NKAIN2: variants seen among roughly 807,000 people sequenced by gnomAD.
NKAIN2 encodes sodium/potassium transporting ATPase interacting 2, also known as sodium/potassium-transporting ATPase subunit beta-1-interacting protein 2.
In NKAIN2, 14 loss-of-function variants were observed where a neutral mutation model predicts 32.6. That is an observed-to-expected ratio of 0.43 (90% CI 0.28 to 0.67). The LOEUF (loss-of-function observed/expected upper bound fraction) is 0.67. NKAIN2 is among the 30% of genes least tolerant of loss of function. The probability of loss-of-function intolerance (pLI) is 0.17; values close to 1 mark genes in which losing one functional copy is unlikely to be tolerated. For missense variants in NKAIN2, 198 were observed against 258.3 expected (o/e 0.77, Z 1.60); for synonymous variants, 80 against 87.2 (o/e 0.92, Z 0.46).
intron 1 of NKAIN2, among the ~76,000 whole-genome samples, chr6:124,202,012 T>C (rs1278581154): frequency 6.6e-6 from 1 of 151,992 alleles, no homozygotes; most frequent in East Asian, 1.9e-4. Flanking sequence ...TTAGCTATAA[T>C]TCTCAGACTA....
intron 3 of NKAIN2, among the ~76,000 whole-genome samples, chr6:124,437,739 T>C (rs943783181): frequency 6.6e-6 from 1 of 152,094 alleles, no homozygotes; most frequent in Admixed American, 6.6e-5. Context: ...GCTTTGTGCA[T>C]AGAGTTGGAG....
intron 1 of NKAIN2, among the ~76,000 whole-genome samples, chr6:123,819,270 A>G (rs1262161866): frequency 3.3e-5 from 5 of 152,172 alleles, no homozygotes; most frequent in Admixed American, 3.3e-4. Flanking sequence ...TGAAATACAG[A>G]CAGAGATTGG....
intron 1 of NKAIN2, among the ~76,000 whole-genome samples, chr6:124,009,394 G>C (rs1233599788): frequency 6.6e-6 from 1 of 152,178 alleles, no homozygotes; most frequent in Non-Finnish European, 1.5e-5. Flanking sequence ...GTATTCTAAA[G>C]AAGATGCTAA....
At chr6:124,246,602 T>C (rs1208260177) in intron 1 of NKAIN2, among the ~76,000 whole-genome samples, 1 of 152,072 alleles carries the variant, frequency 6.6e-6, no homozygotes, top group Non-Finnish European at 1.5e-5. Flanking sequence ...ACCTCTTTCA[T>C]AGTGAGATGA....
chr6:124,342,287 T>C (rs1798155995), intron 2 of NKAIN2, among the ~76,000 whole-genome samples: 1 of 150,380 alleles, frequency 6.6e-6, no homozygotes, highest in African/African-American at 2.5e-5. Flanking sequence ...TGGGCACCTG[T>C]AGTCCCAGCT....
At chr6:123,818,174 T>C (rs1773775647) in intron 1 of NKAIN2, among the ~76,000 whole-genome samples, 1 of 152,198 alleles carries the variant, frequency 6.6e-6, no homozygotes, top group Admixed American at 6.5e-5. Flanking sequence ...GCATATTAAT[T>C]TTCAGACATA....
At chr6:124,287,114 T>C (rs1795591453) in intron 2 of NKAIN2, among the ~76,000 whole-genome samples, 2 of 152,382 alleles carry the variant, frequency 1.3e-5, no homozygotes, top group South Asian at 2.1e-4. Flanking sequence ...ATACTTAGTA[T>C]GTCTATCTTA....
intron 3 of NKAIN2, among the ~76,000 whole-genome samples, chr6:124,487,665 CT>C (rs1210795363): frequency 6.6e-6 from 1 of 152,122 alleles, no homozygotes; most frequent in Non-Finnish European, 1.5e-5. Context: ...ACATCCTTGC[CT>C]ATCGGTGATC....
chr6:124,699,251 GC>G (rs1774648637), intron 4 of NKAIN2, among the ~76,000 whole-genome samples: 1 of 152,184 alleles, frequency 6.6e-6, no homozygotes, highest in Admixed American at 6.5e-5. Context: ...GTTGATGCTA[GC>G]CATTGTTGAA....
intron 1 of NKAIN2, among the ~76,000 whole-genome samples, chr6:124,036,547 T>C (rs555807751): frequency 1.4e-4 from 22 of 152,250 alleles, no homozygotes; most frequent in African/African-American, 5.1e-4. Context: ...TCTTTCACTC[T>C]AAATATAACG....
intron 1 of NKAIN2, among the ~76,000 whole-genome samples, chr6:123,934,083 G>A (rs1776391081): frequency 6.6e-6 from 1 of 152,262 alleles, no homozygotes; most frequent in African/African-American, 2.4e-5. Context: ...CTAGACATAT[G>A]TATCTGAAAT....
intron 1 of NKAIN2, among the ~76,000 whole-genome samples, chr6:123,899,414 C>G (rs540218572): frequency 6.6e-6 from 1 of 152,258 alleles, no homozygotes; most frequent in African/African-American, 2.4e-5. Flanking sequence ...CTCATCCTCC[C>G]TCTATTTTTT....
intron 1 of NKAIN2, among the ~76,000 whole-genome samples, chr6:123,924,747 T>C (rs1384188361): frequency 1.3e-5 from 2 of 152,128 alleles, no homozygotes; most frequent in African/African-American, 4.8e-5. Flanking sequence ...ATTTTAACTA[T>C]AATATAATTT....
At chr6:124,007,192 A>G (rs1050339462) in intron 1 of NKAIN2, among the ~76,000 whole-genome samples, 1 of 152,206 alleles carries the variant, frequency 6.6e-6, no homozygotes, top group African/African-American at 2.4e-5. Flanking sequence ...GTATCTAAAC[A>G]TATCTAAACA....
intron 1 of NKAIN2, among the ~76,000 whole-genome samples, chr6:124,097,383 C>T (rs1298230821): frequency 8.0e-6 from 1 of 124,908 alleles, no homozygotes; most frequent in Non-Finnish European, 1.6e-5. Flanking sequence ...GGCCTGGCAA[C>T]AGAGCAAGAC....
chr6:124,542,321 G>A (rs1166864596), intron 3 of NKAIN2, among the ~76,000 whole-genome samples: 2 of 152,036 alleles, frequency 1.3e-5, no homozygotes, highest in Non-Finnish European at 2.9e-5. Flanking sequence ...GTGATGGGTG[G>A]GAGGAAAACA....
At chr6:124,636,657 G>C (rs1783784650) in intron 3 of NKAIN2, among the ~76,000 whole-genome samples, 1 of 151,776 alleles carries the variant, frequency 6.6e-6, no homozygotes, top group Non-Finnish European at 1.5e-5. Flanking sequence ...AAAACCTAGA[G>C]GAAACAGATA....
chr6:124,155,997 A>G (rs1307844093), intron 1 of NKAIN2, among the ~76,000 whole-genome samples: 1 of 151,690 alleles, frequency 6.6e-6, no homozygotes, highest in East Asian at 1.9e-4. Context: ...AGGCCCCATT[A>G]TACCTCCACC....
chr6:124,281,784 T>C (rs56007386), intron 1 of NKAIN2, among the ~76,000 whole-genome samples: 1 of 152,190 alleles, frequency 6.6e-6, no homozygotes, highest in Non-Finnish European at 1.5e-5. Flanking sequence ...TCATTCAAGA[T>C]GTCTTCAAAC....
Sources: allele counts gnomAD v4.1 joint callset (sites outside exome capture counted in the v4.1 genomes callset), GRCh38; gene constraint gnomAD v4.1.1; transcripts MANE v1.5; gene names NCBI Gene and HGNC (gene_info 2026-07-23, HGNC 2026-07-21).